Variants in CSMD3 observed in about 807,000 individuals in gnomAD.
The protein encoded by CSMD3 is CUB and Sushi multiple domains 3, also known as CUB and sushi domain-containing protein 3.
A neutral mutation model predicts 435.2 loss-of-function variants in CSMD3; 177 were observed. That is an observed-to-expected ratio of 0.41 (90% CI 0.36 to 0.46). The LOEUF is 0.46. CSMD3 is among the 20% of genes least tolerant of loss of function. CSMD3 has a pLI of 0.34. For synonymous variants in CSMD3, 1,656 were observed against 1,520.5 expected (o/e 1.09, Z -2.07); for missense variants, 4,265 against 4,504.6 (o/e 0.95, Z 1.52).
intron 22 of CSMD3, among the ~76,000 whole-genome samples, chr8:112,614,959 T>A (rs1833547753): frequency 6.6e-6 from 1 of 151,910 alleles, no homozygotes; most frequent in Non-Finnish European, 1.5e-5. Flanking sequence ...TGAGTTAGTT[T>A]CCTAAACTTA....
chr8:112,427,430 CT>C (rs1813183177), intron 32 of CSMD3, among the ~76,000 whole-genome samples: 1 of 152,086 alleles, frequency 6.6e-6, no homozygotes, highest in African/African-American at 2.4e-5. Flanking sequence ...TTTACTGCCC[CT>C]CTCCTTCACA....
At chr8:113,058,294 G>A (rs2088440926) in intron 5 of CSMD3, among the ~76,000 whole-genome samples, 4 of 151,792 alleles carry the variant, frequency 2.6e-5, no homozygotes, top group Admixed American at 2.6e-4. Flanking sequence ...ATTAAGTATT[G>A]TGGGTTGAAG....
At chr8:113,121,995 TGATATTTTGTGTTCAGTAC>T (rs2090999328) in intron 4 of CSMD3, among the ~76,000 whole-genome samples, 1 of 152,156 alleles carries the variant, frequency 6.6e-6, no homozygotes, top group Admixed American at 6.6e-5. Context: ...TACGTAGTTT[TGATATTTTGTGTTCAGTAC>T]GACTTTTTTC....
chr8:113,393,563 C>A (rs1297147770), intron 1 of CSMD3, among the ~76,000 whole-genome samples: 1 of 151,968 alleles, frequency 6.6e-6, no homozygotes, highest in African/African-American at 2.4e-5. Flanking sequence ...TTACAATGGA[C>A]AAACGGTGCT....
At chr8:113,325,186 T>C (rs941401615) in intron 1 of CSMD3, among the ~76,000 whole-genome samples, 8 of 152,206 alleles carry the variant, frequency 5.3e-5, no homozygotes, top group African/African-American at 1.9e-4. Flanking sequence ...TTTGGGAGAC[T>C]GCTGGGAAGG....
intron 4 of CSMD3, among the ~76,000 whole-genome samples, chr8:113,157,768 C>T (rs2091961518): frequency 1.3e-5 from 2 of 152,052 alleles, no homozygotes; most frequent in African/African-American, 2.4e-5. Flanking sequence ...TCTCTGAATA[C>T]ATAACATCCT....
At chr8:113,378,101 T>C (rs2094397353) in intron 1 of CSMD3, among the ~76,000 whole-genome samples, 2 of 152,128 alleles carry the variant, frequency 1.3e-5, no homozygotes, top group Non-Finnish European at 2.9e-5. Flanking sequence ...AATAATAATA[T>C]AACATAGACA....
intron 20 of CSMD3, among the ~76,000 whole-genome samples, chr8:112,641,533 A>G (rs1476257483): frequency 6.6e-6 from 1 of 152,122 alleles, no homozygotes; most frequent in Non-Finnish European, 1.5e-5. Flanking sequence ...GGGTATAAAA[A>G]TGACCTTCAA....
intron 37 of CSMD3, among the ~76,000 whole-genome samples, chr8:112,383,287 T>A (rs1829640930): frequency 6.6e-6 from 1 of 152,188 alleles, no homozygotes; most frequent in Non-Finnish European, 1.5e-5. Context: ...GCGTACATAC[T>A]ATTCCTGAAC....
At chr8:113,110,389 T>G (rs534492061) in intron 4 of CSMD3, among the ~76,000 whole-genome samples, 16 of 152,180 alleles carry the variant, frequency 1.1e-4, no homozygotes, top group Non-Finnish European at 2.1e-4. Context: ...AATTTCTCCA[T>G]GCAAATATCC....
chr8:112,590,936 C>A lies in CSMD3; in HGVS notation c.3716-3701G>T, dbSNP rs553765310. On this transcript the variant is annotated intron_variant, in intron 22 of 70. Transcript: ENST00000297405. ...TATGTTTGATAATAAGGATTTCCTA[C>A]AAAATAATAAATGTAAAGCTATTAA... 2.2e-4 allele frequency among the ~76,000 whole-genome samples: 34 copies of A among 152,090 alleles called. No individual in the cohort carries two copies. The East Asian group carries it at 6.4e-3, about 28-fold the overall frequency.
chr8:112,928,756 A>G (rs2082997244), intron 9 of CSMD3, among the ~76,000 whole-genome samples: 1 of 150,170 alleles, frequency 6.7e-6, no homozygotes, highest in South Asian at 2.1e-4. Flanking sequence ...ATACATGTGC[A>G]TGTGTCTTTA....
intron 12 of CSMD3, among the ~76,000 whole-genome samples, chr8:112,813,978 G>C (rs555426848): frequency 6.6e-6 from 1 of 152,216 alleles, no homozygotes; most frequent in Non-Finnish European, 1.5e-5. Context: ...GCACAAGCCA[G>C]TTGGAAATGC....
At chr8:112,254,353 G>T (rs577956237) in intron 62 of CSMD3, 27 bp from the exon 63 acceptor site, 10 of 1,509,636 alleles carry the variant, frequency 6.6e-6, no homozygotes, top group Non-Finnish European at 6.5e-6. Context: ...AAAGATATTA[G>T]TCCTTTAAAA....
At chr8:112,729,278 C>A (rs151051639) in intron 13 of CSMD3, among the ~76,000 whole-genome samples, 3 of 151,998 alleles carry the variant, frequency 2.0e-5, no homozygotes, top group Non-Finnish European at 4.4e-5. Context: ...GCCAATCTTT[C>A]ATTTAACAGG....
chr8:113,300,699 A>C (rs2093759138), intron 2 of CSMD3, among the ~76,000 whole-genome samples: 1 of 152,040 alleles, frequency 6.6e-6, no homozygotes, highest in African/African-American at 2.4e-5. Flanking sequence ...TAGGGGAAGG[A>C]GGGTGGGAAT....
chr8:113,028,887 C>A (rs549878346), intron 5 of CSMD3, among the ~76,000 whole-genome samples: 1 of 151,640 alleles, frequency 6.6e-6, no homozygotes, highest in Non-Finnish European at 1.5e-5. Context: ...TCCAGACGGT[C>A]TAGCTAAAAT....
chr8:112,892,666 G>A (rs952730397), intron 10 of CSMD3, among the ~76,000 whole-genome samples: 1 of 151,558 alleles, frequency 6.6e-6, no homozygotes, highest in African/African-American at 2.4e-5. Context: ...AGCTTCCTCA[G>A]ATATGTGCAT....
chr8:112,826,672 G>C (rs2079689350), intron 12 of CSMD3, among the ~76,000 whole-genome samples: 1 of 152,178 alleles, frequency 6.6e-6, no homozygotes, highest in South Asian at 2.1e-4. Context: ...TCTGATGACA[G>C]AATCTGGATA....
Sources: allele counts gnomAD v4.1 joint callset (sites outside exome capture counted in the v4.1 genomes callset), GRCh38; gene constraint gnomAD v4.1.1; transcripts MANE v1.5; gene names NCBI Gene and HGNC (gene_info 2026-07-23, HGNC 2026-07-21).